The following SEC14L5 variants were observed in gnomAD, a reference collection of about 807,000 sequenced individuals.
The protein encoded by SEC14L5 is SEC14-like protein 5.
SEC14L5 carries 96 observed loss-of-function variants against 84.6 expected under a neutral mutation model. The ratio of observed to expected loss-of-function variants is 1.13; its 90% CI spans 0.96 to 1.34. The LOEUF (loss-of-function observed/expected upper bound fraction) is 1.34, where lower values mean the gene tolerates loss of function less well. Ranked by LOEUF, SEC14L5 falls within the 40% of genes most tolerant of loss-of-function variation. SEC14L5 has a pLI of 0.00. For missense variants in SEC14L5, 1,224 were observed against 942.5 expected (o/e 1.30, Z -3.91); for synonymous variants, 546 against 383.4 (o/e 1.42, Z -4.95).
At chr16:4,997,688 T>C (rs918721209) in intron 8 of SEC14L5, among the ~76,000 whole-genome samples, 1 of 152,190 alleles carries the variant, frequency 6.6e-6, no homozygotes, top group Non-Finnish European at 1.5e-5. Context: ...TAGAAATGTG[T>C]TCTTTCACAG....
In SEC14L5 at chr16:5,017,534, A is replaced by T. The variant is rs1323071356; in HGVS notation, c.*2564A>T. On this transcript the variant is annotated 3_prime_UTR_variant, in exon 16 of 16. Coordinates refer to ENST00000251170, the MANE Select transcript of SEC14L5 (RefSeq NM_014692.2). Reference sequence around the variant, plus strand: ...AATTTCAGGATTCACACTCTAAGAGATGCTTTTCCATCTCAAATCTCATGG... The same window carrying T: ...AATTTCAGGATTCACACTCTAAGAGTTGCTTTTCCATCTCAAATCTCATGG... 6.6e-6 allele frequency: 1 copy of T among 152,192 alleles called. No homozygotes were observed. The highest frequency in any genetic ancestry group is 2.4e-5 in the African/African-American group (1 of 41,420). The allele number at this position is 152,192 out of a possible 1,614,324, so 9.4% of individuals were successfully genotyped here. A position where few individuals can be genotyped will look rare whatever the true frequency, so the allele number is the denominator to read the frequency against.
chr16:4,966,122 T>G (rs1004537752), intron 2 of SEC14L5, among the ~76,000 whole-genome samples: 1 of 152,148 alleles, frequency 6.6e-6, no homozygotes. Context: ...TCCGCCACCA[T>G]GCCTGGCTAA....
chr16:4,979,883 C>G (rs149508147), intron 2 of SEC14L5, among the ~76,000 whole-genome samples: 275 of 152,328 alleles, frequency 1.8e-3, no homozygotes, highest in Non-Finnish European at 3.5e-3. Flanking sequence ...CCGGCCCCAT[C>G]CTCAGCCCAC....
At chr16:5,008,339 A>C (rs1955757162) in intron 13 of SEC14L5, 82 bp from the exon 14 acceptor site, 1 of 1,016,328 alleles carries the variant, frequency 9.8e-7, no homozygotes, top group Non-Finnish European at 1.5e-6. Context: ...GGGGGCACCC[A>C]CAGCCCCTCC....
In SEC14L5 at chr16:5,007,586, TTTTC is replaced by T. The variant is rs1203201367; in HGVS notation, c.1572+120_1572+123del. The T allele has an allele frequency of 4.1e-4, 395 of 974,746 alleles. 1 individual carries two copies. The highest frequency in any genetic ancestry group is 9.2e-4 in the Admixed American group (32 of 34,890). The allele number at this position is 974,746 out of a possible 1,614,324, so 60.4% of individuals were successfully genotyped here. On this transcript the variant is annotated intron_variant, in intron 13 of 15. Coordinates refer to ENST00000251170, the MANE Select transcript of SEC14L5 (RefSeq NM_014692.2). ...AGCTTGAGATGAGGATTCTTTTTTC[TTTTC>T]TTTCTTTCTTTCTTTCTTTTTTTTT... is the stretch of plus-strand genomic sequence containing the variant.
At position 5,003,584 on chromosome 16, in the gene SEC14L5, G is replaced by C. The variant is rs770496006; in HGVS notation, c.1302+11G>C. The C allele has an allele frequency of 6.6e-7, 1 of 1,514,196 alleles. No homozygotes were observed. Among genetic ancestry groups the C allele is most frequent in the South Asian group, 1.2e-5 (1 of 85,844 alleles). 93.8% of individuals were successfully genotyped at this position (1,514,196 alleles called of 1,614,324 possible). Reference sequence around the variant, plus strand: ...GTGCTCTGGACACTGGTAAGAGCTGGAGCCTGGGCCAGGACTCTCCCTGGG... The same window carrying C: ...GTGCTCTGGACACTGGTAAGAGCTGCAGCCTGGGCCAGGACTCTCCCTGGG... On this transcript the variant is annotated intron_variant, in intron 11 of 15. Transcript: ENST00000251170.
chr16:4,959,265 C>A lies in SEC14L5; in HGVS notation c.-51-8C>A. ...AGCTGCAACCTCACCAGTCACTCCT[C>A]GCCCCAGGCTCTGTGCACACCCCTG... On this transcript the variant is annotated splice_region_variant and splice_polypyrimidine_tract_variant and intron_variant, in intron 1 of 15. Transcript: ENST00000251170. 1 of 1,375,618 alleles carries A rather than the reference C, an allele frequency of 7.3e-7. No homozygotes were observed. The highest frequency in any genetic ancestry group is 1.2e-5 in the South Asian group (1 of 86,100). The allele number at this position is 1,375,618 out of a possible 1,614,324, so 85.2% of individuals were successfully genotyped here.
At chr16:4,999,598 T>C (rs562212203) in intron 8 of SEC14L5, among the ~76,000 whole-genome samples, 48 of 151,820 alleles carry the variant, frequency 3.2e-4, no homozygotes, top group African/African-American at 8.0e-4. Context: ...CCAGCCTGGG[T>C]GACAGAGTGA....
Position 4,988,237 on chromosome 16 carries a change from C to A in SEC14L5, c.302C>A (p.Thr101Asn), listed in dbSNP as rs1397181188. 1 of 1,613,806 alleles carries A rather than the reference C, an allele frequency of 6.2e-7. No homozygotes were observed. The highest frequency in any genetic ancestry group is 8.5e-7 in the Non-Finnish European group (1 of 1,179,772). ...RTLLIEAHNE[T>N]FANRVVVNEH... The stretch of plus-strand genomic sequence containing the variant: ...CTCCTCATCGAAGCGCACAATGAGA[C>A]CTTCGCCAACCGCGTGGTGGTGAAC... Residue 101 changes from threonine (T) to asparagine (N), a missense_variant, in exon 4 of 16, where the codon ACC (threonine) becomes AAC (asparagine). Transcript: ENST00000251170.
chr16:4,982,535 G>A lies in SEC14L5; in HGVS notation c.64-5022G>A, dbSNP rs556296309. Among the ~76,000 whole-genome samples the A allele has an allele frequency of 3.2e-4, 48 of 152,226 alleles. No individual in the cohort carries two copies. The East Asian group carries it at 4.1e-3, about 13-fold the overall frequency. Reference sequence around the variant, plus strand: ...CCCCCGCCTGGGAGGACCTCCGCCCGCACAGAAGCAAGCAGCCCCAGCACA... The same window carrying A: ...CCCCCGCCTGGGAGGACCTCCGCCCACACAGAAGCAAGCAGCCCCAGCACA... On this transcript the variant is annotated intron_variant, in intron 2 of 15. Coordinates refer to ENST00000251170, the MANE Select transcript of SEC14L5 (RefSeq NM_014692.2).
Position 5,003,457 on chromosome 16 carries a change from C to T in SEC14L5, c.1186C>T (p.Pro396Ser). The T allele has an allele frequency of 6.2e-7, 1 of 1,613,262 alleles. No homozygotes were observed. Among genetic ancestry groups the T allele is most frequent in the Non-Finnish European group, 8.5e-7 (1 of 1,179,668 alleles). ...EGLNMRHLWR[P>S]GVKALLRMIE... ...ACTCAACATGCGGCACCTGTGGCGG[C>T]CGGGGGTGAAGGCCCTGCTGCGGAT... The change falls in exon 11 of 16, where the codon CCG (proline) becomes TCG (serine). Residue 396 changes from proline (P) to serine (S), a missense_variant. Pro to Ser is a moderately conservative substitution (Grantham distance 74, BLOSUM62 -1). Coordinates refer to ENST00000251170, the MANE Select transcript of SEC14L5 (RefSeq NM_014692.2).
In SEC14L5 at chr16:5,008,547, A is replaced by G. The variant is rs1392968922; in HGVS notation, c.1699A>G (p.Thr567Ala). 2 of 1,609,444 alleles carry G rather than the reference A, an allele frequency of 1.2e-6. No homozygotes were observed. Among genetic ancestry groups the G allele is most frequent in the East Asian group, 2.2e-5 (1 of 44,778 alleles). Residue 567 changes from threonine to alanine, a missense_variant, in exon 14 of 16, where the codon ACC becomes GCC. Thr to Ala is a moderately conservative substitution (Grantham distance 58, BLOSUM62 0). Transcript: ENST00000251170. The stretch of plus-strand genomic sequence containing the variant: ...CAGGCTGGGCGCCCGGGAACCGGGG[A>G]CCAGGGCCAGCGGGCAGCTGATCGA... ...APRLGAREPGTRASGQLIDKG... is the reference protein window; with the variant it reads ...APRLGAREPGARASGQLIDKG...
At chr16:5,007,532 T>G in intron 13 of SEC14L5, 46 bp downstream of exon 13, 1 of 1,582,572 alleles carries the variant, frequency 6.3e-7, no homozygotes, top group East Asian at 2.2e-5. Flanking sequence ...GGAGTGTCTG[T>G]CGTCTTAGGT....
At chr16:5,013,256 C>T (rs1955829255) in intron 15 of SEC14L5, among the ~76,000 whole-genome samples, 1 of 152,124 alleles carries the variant, frequency 6.6e-6, no homozygotes, top group Non-Finnish European at 1.5e-5. Context: ...GGGACGTAAC[C>T]TAGAGCCTTG....
chr16:5,008,345 C>T, intron 13 of SEC14L5, 76 bp from the exon 14 acceptor site: 1 of 1,077,206 alleles, frequency 9.3e-7, no homozygotes. Context: ...ACCCACAGCC[C>T]CTCCTGCCAC....
At position 5,011,215 on chromosome 16, in the gene SEC14L5, C is replaced by T. The variant is rs1316918359; in HGVS notation, c.1921C>T (p.Pro641Ser). Residue 641 changes from proline to serine, a missense_variant, in exon 15 of 16, where the codon CCC becomes TCC. Transcript: ENST00000251170. ...CGATGTCCTGACGGCTCTGCACAGCCCCGGGCCCAAGTGCAAACTTCTCTA... is the reference window on the plus strand; with the variant it reads ...CGATGTCCTGACGGCTCTGCACAGCTCCGGGCCCAAGTGCAAACTTCTCTA... Reference protein sequence around the residue: ...VDDVLTALHSPGPKCKLLYYC... With the variant: ...VDDVLTALHSSGPKCKLLYYC... 1 of 1,613,786 alleles carries T rather than the reference C, an allele frequency of 6.2e-7. No individual in the cohort carries two copies. Among genetic ancestry groups the T allele is most frequent in the African/African-American group, 1.3e-5 (1 of 74,934 alleles).
intron 2 of SEC14L5, among the ~76,000 whole-genome samples, chr16:4,981,353 C>A (rs1955422156): frequency 7.2e-6 from 1 of 139,746 alleles, no homozygotes; most frequent in Non-Finnish European, 1.5e-5. Context: ...CTCAAATGAT[C>A]CATCCACCTC....
intron 8 of SEC14L5, among the ~76,000 whole-genome samples, chr16:4,998,772 G>A (rs866669196): frequency 7.0e-5 from 10 of 143,090 alleles, no homozygotes; most frequent in South Asian, 4.6e-4. Flanking sequence ...AAAAATAAAC[G>A]TTCATCTATA....
At chr16:5,007,140 C>T (rs1955740981) in intron 12 of SEC14L5, among the ~76,000 whole-genome samples, 1 of 152,158 alleles carries the variant, frequency 6.6e-6, no homozygotes, top group South Asian at 2.1e-4. Flanking sequence ...CTTGCCCGAG[C>T]CTCCATTCCT....
Sources: gnomAD v4.1 joint callset for allele counts (sites outside exome capture counted in the v4.1 genomes callset) on GRCh38, gnomAD v4.1.1 for gene constraint, MANE v1.5 for transcripts, NCBI Gene and HGNC (gene_info 2026-07-23, HGNC 2026-07-21) for gene names.